Variants in FBN2 observed in about 807,000 individuals in gnomAD.
The protein encoded by FBN2 is fibrillin-2.
FBN2 carries 105 observed loss-of-function variants against 355.6 expected under a neutral mutation model. The observed-to-expected ratio is 0.30, with a 90% CI of 0.25 to 0.35. The LOEUF is 0.35. Ranked by LOEUF, FBN2 falls within the 10% of genes least tolerant of loss-of-function variation. The pLI, the probability that FBN2 is intolerant of heterozygous loss-of-function variation, is 1.00. For synonymous variants in FBN2, 1,350 were observed against 1,301.2 expected (o/e 1.04, Z -0.81); for missense variants, 3,280 against 3,758.7 (o/e 0.87, Z 3.33).
intron 6 of FBN2, among the ~76,000 whole-genome samples, chr5:128,460,420 G>A (rs1363831324): frequency 6.6e-6 from 1 of 152,016 alleles, no homozygotes; most frequent in Non-Finnish European, 1.5e-5. Flanking sequence ...CATGAAAATG[G>A]CCATACTATC....
chr5:128,441,343 G>T (rs1444963809), intron 7 of FBN2, among the ~76,000 whole-genome samples: 1 of 152,188 alleles, frequency 6.6e-6, no homozygotes, highest in Non-Finnish European at 1.5e-5. Context: ...TGGGATGTGT[G>T]CCGCCTGGTC....
chr5:128,407,884 G>A (rs1225994221), intron 8 of FBN2, among the ~76,000 whole-genome samples: 1 of 152,184 alleles, frequency 6.6e-6, no homozygotes, highest in Non-Finnish European at 1.5e-5. Flanking sequence ...GGGAGAGAGA[G>A]ACACTGCCCA....
chr5:128,512,051 G>A (rs1041487031), intron 5 of FBN2, among the ~76,000 whole-genome samples: 2 of 152,116 alleles, frequency 1.3e-5, no homozygotes, highest in Admixed American at 6.5e-5. Flanking sequence ...TAATTCAACT[G>A]CATAAAAACA....
At chr5:128,523,751 C>T (rs1247064916) in intron 4 of FBN2, among the ~76,000 whole-genome samples, 2 of 151,952 alleles carry the variant, frequency 1.3e-5, no homozygotes, top group East Asian at 1.9e-4. Context: ...AAACCCTCTC[C>T]TTGTCACTTT....
chr5:128,389,967 C>T (rs1237154447), intron 11 of FBN2, among the ~76,000 whole-genome samples: 1 of 152,136 alleles, frequency 6.6e-6, no homozygotes, highest in Non-Finnish European at 1.5e-5. Flanking sequence ...AAATGCTCTT[C>T]CTGGCTGTGT....
intron 36 of FBN2, among the ~76,000 whole-genome samples, chr5:128,313,869 A>AG (rs1036834258): frequency 2.6e-5 from 4 of 151,384 alleles, no homozygotes; most frequent in Non-Finnish European, 5.9e-5. Context: ...AAAAAAAAAA[A>AG]AAAAAAACAT....
chr5:128,276,069 A>G lies in FBN2; in HGVS notation c.7563T>C (p.Tyr2521=), dbSNP rs1187227978. ...ATGTCTTTCCATCCTCTTGCAGGAC[A>G]TACCCCCTCGGACATGAACACTGAT... The part of the protein sequence containing the change: ...GSYQCSCPRG[Y]VLQEDGKTCK... Residue 2521 remains tyrosine, a synonymous_variant, in exon 59 of 65, where the codon TAT becomes TAC. Transcript: ENST00000262464. 3.1e-6 allele frequency: 5 copies of G among 1,613,298 alleles called. No homozygotes were observed. The South Asian group carries it at 5.5e-5, about 18-fold the overall frequency.
At chr5:128,293,186 G>A (rs956477213) in intron 48 of FBN2, among the ~76,000 whole-genome samples, 2 of 152,182 alleles carry the variant, frequency 1.3e-5, no homozygotes, top group Non-Finnish European at 2.9e-5. Context: ...TGGTAGAAAA[G>A]ATACTAGTCT....
chr5:128,359,086 A>G lies in FBN2; in HGVS notation c.2555-1691T>C, dbSNP rs185036497. ...AATCTAAACCACAGTGCTTGCTGTA[A>G]AAATTTTAACTTTCACAGACTCTCA... On this transcript the variant is annotated intron_variant, in intron 19 of 64. Coordinates refer to ENST00000262464, the MANE Select transcript of FBN2 (RefSeq NM_001999.4). Among the ~76,000 whole-genome samples the G allele has an allele frequency of 9.1e-4, 139 of 152,214 alleles. 1 individual carries two copies. The highest frequency in any genetic ancestry group is 3.3e-3 in the African/African-American group (137 of 41,582).
intron 7 of FBN2, among the ~76,000 whole-genome samples, chr5:128,436,746 G>A (rs1581293687): frequency 6.6e-6 from 1 of 151,598 alleles, no homozygotes; most frequent in Non-Finnish European, 1.5e-5. Flanking sequence ...TAATCTGAAC[G>A]ATGTGTCCAG....
intron 48 of FBN2, among the ~76,000 whole-genome samples, chr5:128,294,348 T>A (rs789670): frequency 0.5 from 75,856 of 151,544 alleles, 22,063 homozygotes; most frequent in East Asian, 0.8. Flanking sequence ...TTTGGGTATA[T>A]ACCCAGTAAT....
At chr5:128,506,612 C>G (rs1196050802) in intron 5 of FBN2, among the ~76,000 whole-genome samples, 2 of 152,130 alleles carry the variant, frequency 1.3e-5, no homozygotes, top group African/African-American at 2.4e-5. Context: ...AACAATTTTA[C>G]TTCCTCCTTT....
At chr5:128,271,183 C>T (rs1765258516) in intron 62 of FBN2, among the ~76,000 whole-genome samples, 1 of 152,180 alleles carries the variant, frequency 6.6e-6, no homozygotes, top group East Asian at 1.9e-4. Context: ...ATGTGAATAA[C>T]CTGTGAAGTA....
Position 128,510,235 on chromosome 5 carries a change from C to T in FBN2, c.628+9038G>A, listed in dbSNP as rs181751702. ...TTGGGCCACACATAAAATACACTGA[C>T]GATAGCTGATGACCAAAAAAAGAAA... is the stretch of plus-strand genomic sequence containing the variant. On this transcript the variant is annotated intron_variant, in intron 5 of 64. Coordinates refer to ENST00000262464, the MANE Select transcript of FBN2 (RefSeq NM_001999.4). 6.6e-5 allele frequency among the ~76,000 whole-genome samples: 10 copies of T among 152,152 alleles called. No homozygotes were observed. In the East Asian group the frequency reaches 1.5e-3, roughly 23 times the overall value.
chr5:128,393,186 C>A lies in FBN2; in HGVS notation c.1414G>T (p.Gly472Trp). ...PGGNGFSPGV[G>W]GAGVGAGGQG... ...CCCCCGGCCCCCACACCGGCTCCCC[C>A]AACGCCAGGAGAAAAGCCATTGCCT... Residue 472 changes from glycine (G) to tryptophan (W), a missense_variant, in exon 10 of 65, where the codon GGG becomes TGG. Around this residue, in one of 6 missense-constraint regions of FBN2, gnomAD observed 343 missense variants for 331.0 expected, o/e 1.04. Coordinates refer to ENST00000262464, the MANE Select transcript of FBN2 (RefSeq NM_001999.4). 1 of 1,614,212 alleles carries A rather than the reference C, an allele frequency of 6.2e-7. No homozygotes were observed. The highest frequency in any genetic ancestry group is 1.7e-5 in the Admixed American group (1 of 60,036).
chr5:128,443,073 G>A (rs1252577669), intron 7 of FBN2, among the ~76,000 whole-genome samples: 2 of 152,316 alleles, frequency 1.3e-5, no homozygotes, highest in African/African-American at 4.8e-5. Context: ...ACATCACAGT[G>A]AATGAGCAGA....
chr5:128,352,898 C>T (rs1382877859), intron 20 of FBN2, among the ~76,000 whole-genome samples: 2 of 152,176 alleles, frequency 1.3e-5, no homozygotes, highest in East Asian at 3.8e-4. Flanking sequence ...TCTGGCCAGA[C>T]ACAGTGGCTC....
At chr5:128,327,958 G>T (rs959845491) in intron 34 of FBN2, 4 of 152,236 alleles carry the variant, frequency 2.6e-5, no homozygotes, top group Admixed American at 2.0e-4. Flanking sequence ...TTTTTTAAAG[G>T]TTTTCTGTGA....
In FBN2 at chr5:128,261,873, GCCCCTTGTTAAAT is replaced by G; in HGVS notation, c.8214_8226del (p.Phe2739SerfsTer52). On this transcript the variant is annotated frameshift_variant, in exon 64 of 65. Transcript: ENST00000262464. LOFTEE classifies it high-confidence loss of function. ...ACCTCTGTATCCAGTGACAGGTACTGCCCCTTGTTAAATCCCATTCCTGAGACACAGTGGCTAT... is the reference window on the plus strand; with the variant it reads ...ACCTCTGTATCCAGTGACAGGTACTGCCCATTCCTGAGACACAGTGGCTAT... 1 of 1,614,070 alleles carries G rather than the reference GCCCCTTGTTAAAT, an allele frequency of 6.2e-7. No individual in the cohort carries two copies. Among genetic ancestry groups the G allele is most frequent in the Non-Finnish European group, 8.5e-7 (1 of 1,179,894 alleles).
Sources: allele counts gnomAD v4.1 joint callset (sites outside exome capture counted in the v4.1 genomes callset), GRCh38; gene constraint gnomAD v4.1.1; regional missense constraint gnomAD v4.1.1; transcripts MANE v1.5; gene names NCBI Gene and HGNC (gene_info 2026-07-23, HGNC 2026-07-21).